The following TRPC4AP variants were observed in gnomAD, a reference collection of about 807,000 sequenced individuals.
TRPC4AP encodes the protein short transient receptor potential channel 4-associated protein.
A neutral mutation model predicts 99.0 loss-of-function variants in TRPC4AP; 45 were observed. The observed-to-expected ratio is 0.45, with a 90% confidence interval of 0.36 to 0.58. The LOEUF is 0.58. TRPC4AP is among the 20% of genes least tolerant of loss of function. The pLI is 0.00. For synonymous variants in TRPC4AP, 408 were observed against 385.8 expected (o/e 1.06, Z -0.67); for missense variants, 879 against 985.3 (o/e 0.89, Z 1.44).
chr20:35,075,945 C>T (rs1039542662), intron 2 of TRPC4AP, among the ~76,000 whole-genome samples: 6 of 152,150 alleles, frequency 3.9e-5, no homozygotes, highest in African/African-American at 1.4e-4. Context: ...TTCTTGGAGG[C>T]TTTGTTTGTT....
chr20:35,070,670 T>C (rs1305620272), intron 2 of TRPC4AP, among the ~76,000 whole-genome samples: 1 of 152,126 alleles, frequency 6.6e-6, no homozygotes, highest in Non-Finnish European at 1.5e-5. Flanking sequence ...AGTGCTGGGA[T>C]TACAGGCGTG....
At chr20:35,016,253 G>A in intron 9 of TRPC4AP, 114 bp from the exon 10 acceptor site, 2 of 1,266,212 alleles carry the variant, frequency 1.6e-6, no homozygotes, top group Non-Finnish European at 2.2e-6. Flanking sequence ...AGTACTGTCA[G>A]TAAGGAGGGC....
intron 8 of TRPC4AP, among the ~76,000 whole-genome samples, chr20:35,021,814 TC>T (rs1569093622): frequency 6.6e-6 from 1 of 152,178 alleles, no homozygotes; most frequent in Non-Finnish European, 1.5e-5. Flanking sequence ...TTTGAAGAAT[TC>T]CCCGTTTTTT....
In TRPC4AP at chr20:35,003,401, G is replaced by A. The variant is rs1170831559; in HGVS notation, c.2256+9C>T. The A allele has an allele frequency of 1.9e-6, 3 of 1,614,020 alleles. No individual in the cohort carries two copies. Among genetic ancestry groups the A allele is most frequent in the Non-Finnish European group, 2.5e-6 (3 of 1,179,982 alleles). On this transcript the variant is annotated intron_variant, in intron 18 of 18. Coordinates refer to ENST00000252015, the MANE Select transcript of TRPC4AP (RefSeq NM_015638.3). ...CCACCCATCACCCCCTTGAGGGTGG[G>A]GCACTCACGTTCTCTAGGCAGGTGC... is the stretch of plus-strand genomic sequence containing the variant.
chr20:35,088,408 G>A (rs964841921), intron 1 of TRPC4AP, among the ~76,000 whole-genome samples: 2 of 152,186 alleles, frequency 1.3e-5, no homozygotes, highest in Admixed American at 6.5e-5. Context: ...AAATTAGACT[G>A]AGGACACAGT....
intron 7 of TRPC4AP, among the ~76,000 whole-genome samples, chr20:35,037,094 C>T (rs2083335614): frequency 6.6e-6 from 1 of 152,160 alleles, no homozygotes; most frequent in Non-Finnish European, 1.5e-5. Flanking sequence ...CGCCTGTAAT[C>T]CCAGCACTTT....
Position 35,086,525 on chromosome 20 carries a change from ATGTGTGTGTGTGTG to A in TRPC4AP, c.168+6075_168+6088del, listed in dbSNP as rs1176461079. ...TATATATATGTGTGTGTGTGTATAT[ATGTGTGTGTGTGTG>A]TGTGTGTGTGTGTGTGTGTGTGTGT... is the stretch of plus-strand genomic sequence containing the variant. On this transcript the variant is annotated intron_variant, in intron 1 of 18. Transcript: ENST00000252015. 6.9e-3 allele frequency among the ~76,000 whole-genome samples: 475 copies of A among 69,174 alleles called. 53 individuals are homozygous for A. The highest frequency in any genetic ancestry group is 0.015 in the South Asian group (29 of 1,928). The allele number at this position is 69,174 out of a possible 152,430, so 45.4% of individuals were successfully genotyped here. A position where few individuals can be genotyped will look rare whatever the true frequency, so the allele number is the denominator to read the frequency against.
intron 7 of TRPC4AP, among the ~76,000 whole-genome samples, chr20:35,036,441 G>C (rs1231956671): frequency 1.3e-5 from 2 of 152,134 alleles, no homozygotes; most frequent in Non-Finnish European, 2.9e-5. Flanking sequence ...CCATGTGAAT[G>C]TTACACCTAA....
At chr20:35,049,009 G>A (rs528930259) in intron 6 of TRPC4AP, among the ~76,000 whole-genome samples, 1 of 152,296 alleles carries the variant, frequency 6.6e-6, no homozygotes, top group African/African-American at 2.4e-5. Flanking sequence ...CAGTGCACAT[G>A]AACATCCACC....
chr20:35,026,995 AAC>A (rs1305303606), intron 8 of TRPC4AP, among the ~76,000 whole-genome samples: 1 of 152,060 alleles, frequency 6.6e-6, no homozygotes, highest in East Asian at 1.9e-4. Flanking sequence ...CCCATCTGTG[AAC>A]AGTTTCACTA....
Position 35,016,059 on chromosome 20 carries a change from T to C in TRPC4AP, c.1299A>G (p.Ser433=). The C allele has an allele frequency of 1.2e-6, 2 of 1,614,224 alleles. No homozygotes were observed. Among genetic ancestry groups the C allele is most frequent in the Non-Finnish European group, 1.7e-6 (2 of 1,180,048 alleles). The change falls in exon 10 of 19, where the codon TCA becomes TCG. Residue 433 remains serine, a synonymous_variant. Coordinates refer to ENST00000252015, the MANE Select transcript of TRPC4AP (RefSeq NM_015638.3). ...GACCATGGAGGACAAGGGCAGATGC[T>C]GAATGCTTCCTCCAAATCAGTTTGT... The part of the protein sequence containing the change: ...LFDKLIWRKH[S]ASALVLHGHN...
At chr20:35,030,722 T>G (rs2083169198) in intron 8 of TRPC4AP, among the ~76,000 whole-genome samples, 1 of 152,254 alleles carries the variant, frequency 6.6e-6, no homozygotes, top group Non-Finnish European at 1.5e-5. Context: ...CTTTGTACAG[T>G]TATTGCAAAA....
At chr20:35,049,276 T>C (rs2083639682) in intron 6 of TRPC4AP, among the ~76,000 whole-genome samples, 1 of 151,832 alleles carries the variant, frequency 6.6e-6, no homozygotes, top group Non-Finnish European at 1.5e-5. Context: ...TTTTTTAAAG[T>C]TATGGGTCAT....
chr20:35,071,797 C>T (rs764909732), intron 2 of TRPC4AP, among the ~76,000 whole-genome samples: 123 of 152,194 alleles, frequency 8.1e-4, no homozygotes, highest in Non-Finnish European at 1.4e-3. Flanking sequence ...TGGGTAAATA[C>T]CCAGTAATGG....
chr20:35,060,206 C>T (rs537762684), intron 3 of TRPC4AP, among the ~76,000 whole-genome samples: 82 of 152,254 alleles, frequency 5.4e-4, no homozygotes, highest in African/African-American at 1.9e-3. Context: ...CAAACAAAGA[C>T]ATCACAAGAA....
intron 7 of TRPC4AP, among the ~76,000 whole-genome samples, chr20:35,036,630 T>C (rs571805818): frequency 3.9e-5 from 6 of 152,240 alleles, no homozygotes; most frequent in Admixed American, 6.5e-5. Flanking sequence ...AAGTAGGGTA[T>C]AGTGAATGGG....
At chr20:35,017,731 T>A (rs1196094306) in intron 9 of TRPC4AP, among the ~76,000 whole-genome samples, 4 of 152,176 alleles carry the variant, frequency 2.6e-5, no homozygotes, top group Non-Finnish European at 2.9e-5. Context: ...GACAAAGACA[T>A]CCCTGGCAGC....
Position 35,087,208 on chromosome 20 carries a change from G to A in TRPC4AP, c.168+5406C>T, listed in dbSNP as rs890591140. Among the ~76,000 whole-genome samples the A allele has an allele frequency of 4.9e-3, 722 of 148,788 alleles. 2 individuals carry two copies. Among genetic ancestry groups the A allele is most frequent in the Admixed American group, 7.6e-3 (114 of 14,914 alleles). On this transcript the variant is annotated intron_variant, in intron 1 of 18. Coordinates refer to ENST00000252015, the MANE Select transcript of TRPC4AP (RefSeq NM_015638.3). The stretch of plus-strand genomic sequence containing the variant: ...AAAAAAATTAGCCAGGCGTGGTGGC[G>A]GGCACCTGTAGTCCCAGCTACTCGG...
In TRPC4AP at chr20:35,069,288, C is replaced by T. The variant is rs2084241831; in HGVS notation, c.414+8G>A. 1.3e-6 allele frequency: 2 copies of T among 1,493,618 alleles called. No individual in the cohort carries two copies. The highest frequency in any genetic ancestry group is 1.7e-5 in the Admixed American group (1 of 58,090). 92.5% of individuals were successfully genotyped at this position (1,493,618 alleles called of 1,614,324 possible). On this transcript the variant is annotated splice_region_variant and intron_variant, in intron 3 of 18. Coordinates refer to ENST00000252015, the MANE Select transcript of TRPC4AP (RefSeq NM_015638.3). The stretch of plus-strand genomic sequence containing the variant: ...TAACAGCAGTAGTAATAATAAATAG[C>T]TACTTACATCAACACCTCCAAACAA...
Sources: allele counts gnomAD v4.1 joint callset (sites outside exome capture counted in the v4.1 genomes callset), GRCh38; gene constraint gnomAD v4.1.1; transcripts MANE v1.5; gene names NCBI Gene and HGNC (gene_info 2026-07-23, HGNC 2026-07-21).